CCSER1: variants seen among roughly 807,000 people sequenced by gnomAD.
The protein encoded by CCSER1 is serine-rich coiled-coil domain-containing protein 1.
A neutral mutation model predicts 82.0 loss-of-function variants in CCSER1; 41 were observed. The observed-to-expected ratio is 0.50, with a 90% CI of 0.39 to 0.65. The LOEUF is 0.65. Among genes scored for constraint, CCSER1 ranks in the 30% least tolerant of loss-of-function variants. The pLI is 0.00. For synonymous variants in CCSER1, 414 were observed against 383.9 expected, an observed-to-expected ratio of 1.08 and a Z score of -0.92; for missense variants, 1,119 against 1,064.2, an observed-to-expected ratio of 1.05 and a Z score of -0.72.
chr4:90,957,556 A>ATATTATATAAT (rs1733621834), intron 9 of CCSER1, among the ~76,000 whole-genome samples: 1 of 128,102 alleles, frequency 7.8e-6, no homozygotes, highest in East Asian at 2.0e-4. Context: ...ATTATATTAT[A>ATATTATATAAT]TATATTATAT....
chr4:90,138,604 G>C (rs1050458925), intron 1 of CCSER1, among the ~76,000 whole-genome samples: 2 of 152,232 alleles, frequency 1.3e-5, no homozygotes, highest in Non-Finnish European at 2.9e-5. Context: ...GAAGCAAGAA[G>C]CAGTGGCACA....
At chr4:90,499,274 G>A (rs1300928014) in intron 5 of CCSER1, among the ~76,000 whole-genome samples, 1 of 152,016 alleles carries the variant, frequency 6.6e-6, no homozygotes, top group African/African-American at 2.4e-5. Context: ...TATACCAAAT[G>A]TATGTCTTCC....
intron 5 of CCSER1, among the ~76,000 whole-genome samples, chr4:90,506,030 G>A (rs1037824074): frequency 1.3e-5 from 2 of 152,106 alleles, no homozygotes; most frequent in Admixed American, 1.3e-4. Flanking sequence ...TTGCATGTCT[G>A]TTTAGGGACA....
At chr4:90,919,672 T>C (rs1204504548) in intron 8 of CCSER1, among the ~76,000 whole-genome samples, 2 of 151,892 alleles carry the variant, frequency 1.3e-5, no homozygotes, top group Non-Finnish European at 1.5e-5. Flanking sequence ...ACAAATGTTA[T>C]TGATTACTTT....
intron 7 of CCSER1, among the ~76,000 whole-genome samples, chr4:90,748,912 A>T (rs1476819706): frequency 6.6e-6 from 1 of 150,916 alleles, no homozygotes; most frequent in African/African-American, 2.4e-5. Context: ...AATTTGTTTA[A>T]GTTAATTGTA....
intron 8 of CCSER1, among the ~76,000 whole-genome samples, chr4:90,824,508 A>G (rs1263304655): frequency 6.6e-6 from 1 of 152,154 alleles, no homozygotes; most frequent in Non-Finnish European, 1.5e-5. Flanking sequence ...GCACTTTATC[A>G]GAAATCTAGA....
chr4:91,300,724 A>G (rs1414465159), intron 10 of CCSER1, among the ~76,000 whole-genome samples: 1 of 151,900 alleles, frequency 6.6e-6, no homozygotes, highest in African/African-American at 2.4e-5. Flanking sequence ...AGAAGTTATA[A>G]TTGGTGTTAA....
chr4:91,087,589 G>A (rs988895707), intron 10 of CCSER1, among the ~76,000 whole-genome samples: 2 of 152,140 alleles, frequency 1.3e-5, no homozygotes, highest in Non-Finnish European at 2.9e-5. Context: ...GGTCAAAATT[G>A]TAATAATTTA....
At chr4:91,327,304 G>C (rs1007294261) in intron 10 of CCSER1, among the ~76,000 whole-genome samples, 1 of 152,166 alleles carries the variant, frequency 6.6e-6, no homozygotes, top group African/African-American at 2.4e-5. Context: ...CTTGTCTTCT[G>C]TGCACCCACA....
intron 4 of CCSER1, among the ~76,000 whole-genome samples, chr4:90,408,139 G>A (rs906459508): frequency 3.3e-5 from 5 of 152,232 alleles, no homozygotes; most frequent in African/African-American, 9.6e-5. Flanking sequence ...CGGCTGGGAA[G>A]CTCGAACTAG....
intron 9 of CCSER1, among the ~76,000 whole-genome samples, chr4:90,942,378 CA>C (rs1394116769): frequency 6.6e-6 from 1 of 152,060 alleles, no homozygotes; most frequent in Non-Finnish European, 1.5e-5. Context: ...TCTCTTACAC[CA>C]AATCGTACTT....
At chr4:90,318,742 C>T (rs1201785102) in intron 3 of CCSER1, among the ~76,000 whole-genome samples, 1 of 152,130 alleles carries the variant, frequency 6.6e-6, no homozygotes, top group African/African-American at 2.4e-5. Context: ...GCTGTTTTCT[C>T]ATTTATTAGC....
In CCSER1 at chr4:90,528,706, C is replaced by A. The variant is rs1393772345; in HGVS notation, c.1724+60352C>A. 2.0e-5 allele frequency among the ~76,000 whole-genome samples: 3 copies of A among 152,082 alleles called. No individual in the cohort carries two copies. The East Asian group carries it at 5.8e-4, about 29-fold the overall frequency. ...AACCAGTGACATTTTTTTCTAGTCA[C>A]TGGAGAAAGTAAATTTGATTAAAAT... On this transcript the variant is annotated intron_variant, in intron 5 of 10. Coordinates refer to ENST00000509176, the MANE Select transcript of CCSER1 (RefSeq NM_001145065.2).
chr4:90,612,620 G>A (rs796136805), intron 5 of CCSER1, among the ~76,000 whole-genome samples: 34 of 152,240 alleles, frequency 2.2e-4, no homozygotes, highest in African/African-American at 7.7e-4. Context: ...AAAAAGGTCA[G>A]TCTTAGAATA....
chr4:91,256,283 C>G (rs534139253), intron 10 of CCSER1, among the ~76,000 whole-genome samples: 1 of 152,188 alleles, frequency 6.6e-6, no homozygotes, highest in South Asian at 2.1e-4. Context: ...CTAGTCAGAC[C>G]GGTTCTCTGC....
chr4:91,183,562 CA>C (rs1376677419), intron 10 of CCSER1, among the ~76,000 whole-genome samples: 1 of 151,984 alleles, frequency 6.6e-6, no homozygotes, highest in African/African-American at 2.4e-5. Context: ...TTTCCAGGAT[CA>C]TATCCATGTA....
At chr4:90,642,982 A>G (rs1365158327) in intron 6 of CCSER1, among the ~76,000 whole-genome samples, 2 of 152,180 alleles carry the variant, frequency 1.3e-5, no homozygotes, top group African/African-American at 4.8e-5. Flanking sequence ...TATTTAAGAT[A>G]AATACGTGTG....
At chr4:90,950,547 C>T (rs909142464) in intron 9 of CCSER1, among the ~76,000 whole-genome samples, 6 of 151,946 alleles carry the variant, frequency 3.9e-5, no homozygotes, top group Non-Finnish European at 7.4e-5. Flanking sequence ...CATACACACA[C>T]GTTGAATTCC....
intron 10 of CCSER1, among the ~76,000 whole-genome samples, chr4:91,344,968 A>C (rs1431356350): frequency 6.6e-6 from 1 of 152,214 alleles, no homozygotes; most frequent in African/African-American, 2.4e-5. Flanking sequence ...CTTAAGTAGA[A>C]AATATTAATT....
Sources: allele counts gnomAD v4.1 joint callset (sites outside exome capture counted in the v4.1 genomes callset), GRCh38; gene constraint gnomAD v4.1.1; transcripts MANE v1.5; gene names NCBI Gene and HGNC (gene_info 2026-07-23, HGNC 2026-07-21).